The following NUP155 variants were observed in gnomAD, a reference collection of about 807,000 sequenced individuals.
The protein encoded by NUP155 is nucleoporin 155.
NUP155 carries 71 observed loss-of-function variants against 180.4 expected under a neutral mutation model. The observed-to-expected ratio is 0.39, with a 90% CI of 0.33 to 0.48. NUP155 has a LOEUF of 0.48. Ranked by LOEUF, NUP155 falls within the 20% of genes least tolerant of loss-of-function variation. The pLI, the probability that NUP155 is intolerant of heterozygous loss-of-function variation, is 0.91. For synonymous variants in NUP155, 582 were observed against 559.5 expected (o/e 1.04, Z -0.57); for missense variants, 1,553 against 1,648.9 (o/e 0.94, Z 1.01).
intron 1 of NUP155, among the ~76,000 whole-genome samples, chr5:37,364,613 T>G (rs1364695447): frequency 6.7e-6 from 1 of 148,248 alleles, no homozygotes; most frequent in Non-Finnish European, 1.5e-5. Flanking sequence ...ACTTGCTCTG[T>G]AACAAAGGAA....
At position 37,292,869 on chromosome 5, in the gene NUP155, T is replaced by C; in HGVS notation, c.4037+10A>G. 6.5e-7 allele frequency: 1 copy of C among 1,547,674 alleles called. No individual in the cohort carries two copies. The highest frequency in any genetic ancestry group is 8.9e-7 in the Non-Finnish European group (1 of 1,120,558). The stretch of plus-strand genomic sequence containing the variant: ...AGCTTTTGCTGATCCAATATTTAAT[T>C]CATAAGTACCTTTCACAATTTAAAA... On this transcript the variant is annotated intron_variant, in intron 34 of 34. Coordinates refer to ENST00000231498, the MANE Select transcript of NUP155 (RefSeq NM_153485.3).
At chr5:37,320,536 T>C (rs567470910) in intron 20 of NUP155, among the ~76,000 whole-genome samples, 1 of 152,270 alleles carries the variant, frequency 6.6e-6, no homozygotes, top group African/African-American at 2.4e-5. Flanking sequence ...AGAAAGCAAG[T>C]AGAGCTAGAC....
intron 20 of NUP155, among the ~76,000 whole-genome samples, chr5:37,323,640 T>C (rs1173032023): frequency 1.3e-5 from 2 of 149,426 alleles, no homozygotes; most frequent in African/African-American, 2.4e-5. Context: ...TTTACATATA[T>C]TCATATAATA....
chr5:37,337,787 T>C lies in NUP155; in HGVS notation c.1347+31A>G, dbSNP rs1192596706. ...TTATCCTTCACTTAAAATTATATAA[T>C]AGTTTTTTCAGAATTGTCAGGATAA... On this transcript the variant is annotated intron_variant, in intron 12 of 34. Transcript: ENST00000231498. The C allele has an allele frequency of 7.7e-6, 10 of 1,305,672 alleles. No homozygotes were observed. In the East Asian group the frequency reaches 1.6e-4, roughly 21 times the overall value. The allele number at this position is 1,305,672 out of a possible 1,614,324, so 80.9% of individuals were successfully genotyped here. A position where few individuals can be genotyped will look rare whatever the true frequency, so the allele number is the denominator to read the frequency against.
chr5:37,365,419 T>TCTC (rs1224215299), intron 1 of NUP155, among the ~76,000 whole-genome samples: 1 of 151,234 alleles, frequency 6.6e-6, no homozygotes, highest in Non-Finnish European at 1.5e-5. Context: ...CACATAAATA[T>TCTC]ATACACCGTT....
At chr5:37,303,804 G>A (rs554569423) in intron 27 of NUP155, among the ~76,000 whole-genome samples, 3 of 151,040 alleles carry the variant, frequency 2.0e-5, no homozygotes, top group Non-Finnish European at 4.4e-5. Context: ...AGCTGGGTGT[G>A]GTGGTGCGGG....
chr5:37,306,441 C>CAT (rs1433387484), intron 25 of NUP155, among the ~76,000 whole-genome samples: 1 of 151,990 alleles, frequency 6.6e-6, no homozygotes. Flanking sequence ...AAACACCCTC[C>CAT]ATATATATAT....
rs1742161609 is a variant in NUP155, at chr5:37,289,907, T to G, written c.*1993A>C. ...TATCGCATACATTCACTTTACATAT[T>G]CAAAAAACGCTAAACTTAAGAAACT... On this transcript the variant is annotated 3_prime_UTR_variant, in exon 35 of 35. Transcript: ENST00000231498. The G allele has an allele frequency of 6.6e-6, 1 of 152,144 alleles. No homozygotes were observed. Among genetic ancestry groups the G allele is most frequent in the African/African-American group, 2.4e-5 (1 of 41,428 alleles). The allele number at this position is 152,144 out of a possible 1,614,324, so 9.4% of individuals were successfully genotyped here.
Position 37,303,259 on chromosome 5 carries a change from C to A in NUP155, c.3317+1G>T. On this transcript the variant is annotated splice_donor_variant, in intron 28 of 34. Coordinates refer to ENST00000231498, the MANE Select transcript of NUP155 (RefSeq NM_153485.3). LOFTEE classifies it high-confidence loss of function. ...TTCACAATAAGAATATTATGCCATA[C>A]CTATGCATGTCAGCCAGTCTGGACA... 1 of 1,613,914 alleles carries A rather than the reference C, an allele frequency of 6.2e-7. No individual in the cohort carries two copies. Among genetic ancestry groups the A allele is most frequent in the Non-Finnish European group, 8.5e-7 (1 of 1,179,846 alleles).
At position 37,291,067 on chromosome 5, in the gene NUP155, G is replaced by T. The variant is rs1242263709; in HGVS notation, c.*833C>A. On this transcript the variant is annotated 3_prime_UTR_variant, in exon 35 of 35. Coordinates refer to ENST00000231498, the MANE Select transcript of NUP155 (RefSeq NM_153485.3). ...CAAGTTTTATCACCTGCTCAACCAG[G>T]TATATAGCTATGTCAATTCTCAAGG... The T allele has an allele frequency of 6.6e-6, 1 of 152,162 alleles. No homozygotes were observed. Among genetic ancestry groups the T allele is most frequent in the African/African-American group, 2.4e-5 (1 of 41,426 alleles). 9.4% of individuals were successfully genotyped at this position (152,162 alleles called of 1,614,324 possible). A position where few individuals can be genotyped will look rare whatever the true frequency, so the allele number is the denominator to read the frequency against.
intron 10 of NUP155, among the ~76,000 whole-genome samples, chr5:37,341,733 G>C (rs1745737816): frequency 6.6e-6 from 1 of 152,060 alleles, no homozygotes; most frequent in Admixed American, 6.6e-5. Context: ...GTAGAGATGG[G>C]GTTTCACCGT....
In NUP155 at chr5:37,294,605, T is replaced by C. The variant is rs1742422452; in HGVS notation, c.3794-140A>G. ...ATTTTTTGGGGCGGGGGGTTTTTTT[T>C]GCTATGTTGCCCAGACTAGAAATAG... On this transcript the variant is annotated intron_variant, in intron 32 of 34. Transcript: ENST00000231498. The C allele has an allele frequency of 3.9e-6, 3 of 759,862 alleles. No individual in the cohort carries two copies. In the East Asian group the frequency reaches 8.3e-5, roughly 21 times the overall value. The allele number at this position is 759,862 out of a possible 1,614,324, so 47.1% of individuals were successfully genotyped here. A position where few individuals can be genotyped will look rare whatever the true frequency, so the allele number is the denominator to read the frequency against.
Position 37,365,762 on chromosome 5 carries a change from C to T in NUP155, c.158-1378G>A, listed in dbSNP as rs868443416. The stretch of plus-strand genomic sequence containing the variant: ...AAATATATATATATATACACACACA[C>T]ACACACACACACACACACACACACA... On this transcript the variant is annotated intron_variant, in intron 1 of 34. Transcript: ENST00000231498. Among the ~76,000 whole-genome samples the T allele has an allele frequency of 4.5e-3, 550 of 122,214 alleles. 11 individuals are homozygous for T. Among genetic ancestry groups the T allele is most frequent in the African/African-American group, 0.015 (457 of 30,050 alleles). The allele number at this position is 122,214 out of a possible 152,430, so 80.2% of individuals were successfully genotyped here.
At chr5:37,322,199 C>G (rs1744289568) in intron 20 of NUP155, among the ~76,000 whole-genome samples, 1 of 152,138 alleles carries the variant, frequency 6.6e-6, no homozygotes, top group South Asian at 2.1e-4. Context: ...ATTGCCCAGG[C>G]TGGTCTCGAA....
intron 20 of NUP155, among the ~76,000 whole-genome samples, chr5:37,321,762 A>C (rs1744261282): frequency 6.6e-6 from 1 of 152,228 alleles, no homozygotes; most frequent in Admixed American, 6.5e-5. Context: ...ACACACACAC[A>C]CAAAGTATGA....
chr5:37,360,410 GGGA>G (rs1224351143), intron 3 of NUP155, among the ~76,000 whole-genome samples: 11 of 151,898 alleles, frequency 7.2e-5, no homozygotes, highest in East Asian at 3.9e-4. Flanking sequence ...ACTTGAACCA[GGGA>G]GGAGAAGGTT....
At chr5:37,331,577 A>T (rs562265021) in intron 14 of NUP155, 108 bp downstream of exon 14, 19 of 523,202 alleles carry the variant, frequency 3.6e-5, no homozygotes, top group Non-Finnish European at 5.1e-5. Context: ...TCCATCTCAA[A>T]ATATATATAT....
chr5:37,303,973 C>A (rs1197825872), intron 27 of NUP155, among the ~76,000 whole-genome samples: 2 of 151,574 alleles, frequency 1.3e-5, no homozygotes, highest in Non-Finnish European at 2.9e-5. Flanking sequence ...TTTGGCCGGG[C>A]ACAGTGGTTC....
chr5:37,347,315 G>A (rs74338729), intron 9 of NUP155, among the ~76,000 whole-genome samples: 14,917 of 137,964 alleles, frequency 0.11, 814 homozygotes, highest in Admixed American at 0.15. Context: ...TGATCCCTAT[G>A]TAAAGTTGCC....
Sources: allele counts gnomAD v4.1 joint callset (sites outside exome capture counted in the v4.1 genomes callset), GRCh38; gene constraint gnomAD v4.1.1; transcripts MANE v1.5; gene names NCBI Gene and HGNC (gene_info 2026-07-23, HGNC 2026-07-21).